The following CNTN5 variants were observed in gnomAD, a reference collection of about 807,000 sequenced individuals.
The protein encoded by CNTN5 is contactin 5.
A neutral mutation model predicts 129.1 loss-of-function variants in CNTN5; 77 were observed. That is an observed-to-expected ratio of 0.60 (90% CI 0.50 to 0.72). CNTN5 has a LOEUF of 0.72. Among genes scored for constraint, CNTN5 ranks in the 30% least tolerant of loss-of-function variants. The probability of loss-of-function intolerance (pLI) is 0.00; values close to 1 mark genes in which losing one functional copy is unlikely to be tolerated. For missense variants in CNTN5, 1,478 were observed against 1,328.8 expected (o/e 1.11, Z -1.75); for synonymous variants, 509 against 465.6 (o/e 1.09, Z -1.20).
chr11:99,731,478 G>T (rs1943532407), intron 3 of CNTN5, among the ~76,000 whole-genome samples: 1 of 152,110 alleles, frequency 6.6e-6, no homozygotes, highest in South Asian at 2.1e-4. Context: ...TGCAGTCTTG[G>T]CATGTTATCA....
chr11:99,808,405 T>C (rs564826621), intron 3 of CNTN5, among the ~76,000 whole-genome samples: 1 of 152,298 alleles, frequency 6.6e-6, no homozygotes, highest in Admixed American at 6.5e-5. Context: ...TTTACAGGTA[T>C]TTAATCTGTT....
chr11:99,427,090 G>A (rs1943153059), intron 2 of CNTN5, among the ~76,000 whole-genome samples: 1 of 152,178 alleles, frequency 6.6e-6, no homozygotes, highest in African/African-American at 2.4e-5. Context: ...CTGCAGTGAG[G>A]TTGCTTTCCT....
chr11:99,917,866 A>G (rs960501625), intron 7 of CNTN5, among the ~76,000 whole-genome samples: 46 of 152,292 alleles, frequency 3.0e-4, no homozygotes, highest in African/African-American at 9.4e-4. Context: ...TAACTGATTA[A>G]GTAATAATGT....
At chr11:99,978,598 T>C (rs1359888592) in intron 8 of CNTN5, among the ~76,000 whole-genome samples, 1 of 152,212 alleles carries the variant, frequency 6.6e-6, no homozygotes, top group Admixed American at 6.5e-5. Context: ...GTCTACAGTA[T>C]TCAGTAGAGT....
chr11:99,068,755 C>G (rs2135239626), intron 1 of CNTN5, among the ~76,000 whole-genome samples: 1 of 152,212 alleles, frequency 6.6e-6, no homozygotes, highest in South Asian at 2.1e-4. Flanking sequence ...CATTAAAATT[C>G]TATACAAAAT....
chr11:99,022,874 T>G (rs532747891), intron 1 of CNTN5, among the ~76,000 whole-genome samples: 1 of 152,326 alleles, frequency 6.6e-6, no homozygotes, highest in South Asian at 2.1e-4. Context: ...ATTTAAAACT[T>G]CTGAAAATTG....
intron 3 of CNTN5, among the ~76,000 whole-genome samples, chr11:99,717,965 C>T (rs928310300): frequency 2.6e-5 from 4 of 152,072 alleles, no homozygotes; most frequent in African/African-American, 4.8e-5. Context: ...CTTACCACTT[C>T]GTCCTGCAGG....
chr11:99,149,725 C>T (rs934203263), intron 1 of CNTN5, among the ~76,000 whole-genome samples: 1 of 151,846 alleles, frequency 6.6e-6, no homozygotes, highest in African/African-American at 2.4e-5. Flanking sequence ...GATGTCCCTC[C>T]TATAGGGTCA....
intron 6 of CNTN5, among the ~76,000 whole-genome samples, chr11:99,905,233 G>A (rs1159690177): frequency 1.3e-5 from 2 of 152,132 alleles, no homozygotes. Flanking sequence ...GTCCCGAATG[G>A]TATTGCCTAG....
intron 9 of CNTN5, among the ~76,000 whole-genome samples, chr11:100,028,877 A>C (rs1315963670): frequency 6.6e-6 from 1 of 152,174 alleles, no homozygotes; most frequent in Non-Finnish European, 1.5e-5. Flanking sequence ...TGTGAGTTTA[A>C]AGAGTATTTT....
intron 13 of CNTN5, among the ~76,000 whole-genome samples, chr11:100,131,497 A>C (rs1946378161): frequency 6.6e-6 from 1 of 152,070 alleles, no homozygotes; most frequent in African/African-American, 2.4e-5. Flanking sequence ...AGTTATCCAA[A>C]TGGCTATGTT....
At chr11:100,006,620 C>A (rs189881075) in intron 9 of CNTN5, among the ~76,000 whole-genome samples, 3 of 152,232 alleles carry the variant, frequency 2.0e-5, no homozygotes, top group African/African-American at 7.2e-5. Context: ...ACTTCTAGTT[C>A]TTGTTATCTT....
In CNTN5 at chr11:99,837,586, C is replaced by G. The variant is rs1172618163; in HGVS notation, c.278-7266C>G. ...CAGTCTAGAACTAAGTCACATGGCCCCATGTCAAACCTAAAAAAGGCCAAG... is the reference window on the plus strand; with the variant it reads ...CAGTCTAGAACTAAGTCACATGGCCGCATGTCAAACCTAAAAAAGGCCAAG... On this transcript the variant is annotated intron_variant, in intron 4 of 24. Coordinates refer to ENST00000524871, the MANE Select transcript of CNTN5 (RefSeq NM_014361.4). Among the ~76,000 whole-genome samples the G allele has an allele frequency of 2.0e-5, 3 of 151,268 alleles. No homozygotes were observed. In the South Asian group the frequency reaches 6.2e-4, roughly 31 times the overall value.
At chr11:99,377,973 A>G (rs992609867) in intron 2 of CNTN5, among the ~76,000 whole-genome samples, 5 of 152,162 alleles carry the variant, frequency 3.3e-5, no homozygotes, top group African/African-American at 1.2e-4. Flanking sequence ...TGCTTTGTTC[A>G]CATCACAGTT....
intron 2 of CNTN5, among the ~76,000 whole-genome samples, chr11:99,388,011 C>T (rs1591610926): frequency 6.6e-6 from 1 of 151,946 alleles, no homozygotes; most frequent in African/African-American, 2.4e-5. Flanking sequence ...AATTGAGAAC[C>T]CTCTCTCTAT....
At chr11:99,782,505 A>G in intron 3 of CNTN5, among the ~76,000 whole-genome samples, 1 of 151,588 alleles carries the variant, frequency 6.6e-6, no homozygotes, top group East Asian at 2.0e-4. Context: ...ACCAAAAAAG[A>G]GCCCGCATTG....
At chr11:100,073,246 CGT>C (rs1298076925) in intron 12 of CNTN5, among the ~76,000 whole-genome samples, 1 of 151,822 alleles carries the variant, frequency 6.6e-6, no homozygotes, top group Non-Finnish European at 1.5e-5. Flanking sequence ...GGGGTTTCAC[CGT>C]GTTGGCCAGG....
intron 7 of CNTN5, among the ~76,000 whole-genome samples, chr11:99,918,431 T>C (rs1949849755): frequency 6.6e-6 from 1 of 152,318 alleles, no homozygotes; most frequent in South Asian, 2.1e-4. Flanking sequence ...ATCTTAATGT[T>C]AACTAGAATT....
intron 2 of CNTN5, among the ~76,000 whole-genome samples, chr11:99,419,120 C>T (rs1254713435): frequency 6.6e-6 from 1 of 152,144 alleles, no homozygotes; most frequent in East Asian, 1.9e-4. Context: ...ACCACTTCCC[C>T]ATATTCTAAT....
Sources: allele counts gnomAD v4.1 joint callset (sites outside exome capture counted in the v4.1 genomes callset), GRCh38; gene constraint gnomAD v4.1.1; transcripts MANE v1.5; gene names NCBI Gene and HGNC (gene_info 2026-07-23, HGNC 2026-07-21).